Variants in TMEM217B observed in about 807,000 individuals in gnomAD.
TMEM217B encodes the protein transmembrane protein 217B.
the TMEM217B span, among the ~76,000 whole-genome samples, chr6:37,235,165 GC>G: frequency 6.6e-6 from 1 of 151,984 alleles, no homozygotes; most frequent in Non-Finnish European, 1.5e-5. Flanking sequence ...ATAGAACAAA[GC>G]TTTTTTTACT....
the TMEM217B span, among the ~76,000 whole-genome samples, chr6:37,217,123 G>A: frequency 1.3e-5 from 2 of 152,202 alleles, no homozygotes; most frequent in Admixed American, 6.5e-5. Flanking sequence ...GGGAAACCCC[G>A]TCTCTACTAA....
the TMEM217B span, among the ~76,000 whole-genome samples, chr6:37,226,212 C>T: frequency 7.9e-5 from 12 of 151,790 alleles, no homozygotes; most frequent in Admixed American, 5.3e-4. Flanking sequence ...GAGATATCTC[C>T]CCTTTATCTC....
the TMEM217B span, among the ~76,000 whole-genome samples, chr6:37,234,744 G>T: frequency 1.3e-5 from 2 of 151,648 alleles, no homozygotes; most frequent in Non-Finnish European, 2.9e-5. Flanking sequence ...TCAAAAAAAA[G>T]AAAATAAAAT....
At chr6:37,229,912 A>G in the TMEM217B span, among the ~76,000 whole-genome samples, 1 of 152,178 alleles carries the variant, frequency 6.6e-6, no homozygotes, top group Admixed American at 6.5e-5. Flanking sequence ...TCCAGGTTTC[A>G]CAAGGTAGAA....
chr6:37,216,942 T>C, the TMEM217B span, among the ~76,000 whole-genome samples: 1 of 152,192 alleles, frequency 6.6e-6, no homozygotes, highest in South Asian at 2.1e-4. Context: ...GGCACCTTGA[T>C]ATTGAACTTC....
At chr6:37,245,588 A>G in the TMEM217B span, among the ~76,000 whole-genome samples, 135 of 152,298 alleles carry the variant, frequency 8.9e-4, no homozygotes, top group African/African-American at 3.1e-3. Context: ...CTGCTTCCCA[A>G]TGAGTTTCAT....
the TMEM217B span, among the ~76,000 whole-genome samples, chr6:37,229,346 T>TTTG: frequency 7.8e-6 from 1 of 128,202 alleles, no homozygotes; most frequent in East Asian, 2.2e-4. Context: ...TTTTTTTTTT[T>TTTG]TTTTTTTTTT....
the TMEM217B span, among the ~76,000 whole-genome samples, chr6:37,227,519 T>C: frequency 6.6e-6 from 1 of 152,200 alleles, no homozygotes; most frequent in Admixed American, 6.5e-5. Context: ...CGATCTTGGC[T>C]CACTGCAACC....
chr6:37,256,482 C>CT, the TMEM217B span, among the ~76,000 whole-genome samples: 6 of 152,068 alleles, frequency 3.9e-5, no homozygotes, highest in African/African-American at 1.2e-4. Context: ...AATAGAGGGG[C>CT]TTTTTTTCTC....
chr6:37,252,537 C>T, the TMEM217B span, among the ~76,000 whole-genome samples: 1 of 149,562 alleles, frequency 6.7e-6, no homozygotes, highest in Non-Finnish European at 1.5e-5. Context: ...TATATGTCAA[C>T]ATGTATATGT....
At chr6:37,228,289 G>T in the TMEM217B span, among the ~76,000 whole-genome samples, 1 of 152,344 alleles carries the variant, frequency 6.6e-6, no homozygotes, top group East Asian at 1.9e-4. Context: ...TAGCAATTAG[G>T]ACAGTGTCCA....
At chr6:37,228,308 A>G in the TMEM217B span, among the ~76,000 whole-genome samples, 684 of 152,380 alleles carry the variant, frequency 4.5e-3, 4 homozygotes, top group African/African-American at 0.015. Context: ...CACCTGCCTG[A>G]AAGTATTTGA....
chr6:37,216,143 A>G, the TMEM217B span, among the ~76,000 whole-genome samples: 4 of 151,980 alleles, frequency 2.6e-5, no homozygotes, highest in Non-Finnish European at 5.9e-5. Context: ...CAGTGGTGCA[A>G]TTATGGCTCA....
the TMEM217B span, among the ~76,000 whole-genome samples, chr6:37,238,454 C>T: frequency 6.6e-6 from 1 of 152,210 alleles, no homozygotes. Flanking sequence ...AGTCTGCTTT[C>T]TCTCAGGATG....
the TMEM217B span, among the ~76,000 whole-genome samples, chr6:37,254,105 A>C: frequency 6.6e-6 from 1 of 152,250 alleles, no homozygotes; most frequent in Non-Finnish European, 1.5e-5. Flanking sequence ...CAGAAGATCT[A>C]TAAAGTGAGG....
chr6:37,216,765 G>C, the TMEM217B span, among the ~76,000 whole-genome samples: 2 of 152,284 alleles, frequency 1.3e-5, no homozygotes, highest in African/African-American at 4.8e-5. Flanking sequence ...GGAGGTGATT[G>C]AATCATAGGG....
the TMEM217B span, among the ~76,000 whole-genome samples, chr6:37,257,400 T>C: frequency 6.6e-6 from 1 of 152,136 alleles, no homozygotes; most frequent in Non-Finnish European, 1.5e-5. Flanking sequence ...AATTGAGAGA[T>C]GTTAAAAATG....
At chr6:37,241,434 G>A in the TMEM217B span, among the ~76,000 whole-genome samples, 1 of 152,118 alleles carries the variant, frequency 6.6e-6, no homozygotes, top group African/African-American at 2.4e-5. Flanking sequence ...ACCTGGAGAG[G>A]GGACTGGACC....
chr6:37,212,731 T>C, the TMEM217B span: 1 of 669,696 alleles, frequency 1.5e-6, no homozygotes, highest in Non-Finnish European at 2.8e-6. Context: ...GTAGATATTC[T>C]TGTGGATACA....
Sources: gnomAD v4.1 joint callset for allele counts (sites outside exome capture counted in the v4.1 genomes callset) on GRCh38, gnomAD v4.1.1 for gene constraint, MANE v1.5 for transcripts, NCBI Gene and HGNC (gene_info 2026-07-23, HGNC 2026-07-21) for gene names.